The following TAS2R1 variants were observed in gnomAD, a reference collection of about 807,000 sequenced individuals.
TAS2R1 encodes the protein taste receptor type 2 member 1.
For missense variants in TAS2R1, 370 were observed against 353.4 expected, an observed-to-expected ratio of 1.05 and a Z score of -0.38; for synonymous variants, 141 against 134.2, an observed-to-expected ratio of 1.05 and a Z score of -0.35.
chr5:9,655,962 C>A (rs895079334), intron 2 of TAS2R1, among the ~76,000 whole-genome samples: 2 of 151,878 alleles, frequency 1.3e-5, no homozygotes, highest in Admixed American at 1.3e-4. Context: ...AACTTGGACA[C>A]CACTTCTCAG....
chr5:9,702,940 G>C (rs1030840665), intron 1 of TAS2R1, among the ~76,000 whole-genome samples: 2 of 152,082 alleles, frequency 1.3e-5, no homozygotes, highest in African/African-American at 4.8e-5. Context: ...AGATGAAAGG[G>C]AGAGGCCAGA....
chr5:9,724,623 AT>A, the TAS2R1 span, among the ~76,000 whole-genome samples: 1 of 152,144 alleles, frequency 6.6e-6, no homozygotes, highest in African/African-American at 2.4e-5. Flanking sequence ...TCCTGTGCAG[AT>A]TACGGTAATA....
chr5:9,825,553 T>TACA, the TAS2R1 span, among the ~76,000 whole-genome samples: 1 of 152,172 alleles, frequency 6.6e-6, no homozygotes, highest in Admixed American at 6.5e-5. Flanking sequence ...AGATGGAACT[T>TACA]TCTCTCAACA....
At chr5:9,829,286 T>C in the TAS2R1 span, among the ~76,000 whole-genome samples, 7 of 152,290 alleles carry the variant, frequency 4.6e-5, no homozygotes, top group South Asian at 4.1e-4. Flanking sequence ...TTCTTAATCA[T>C]ACACAGACCT....
the TAS2R1 span, among the ~76,000 whole-genome samples, chr5:9,861,037 G>GGTTTTTTTT: frequency 2.0e-4 from 18 of 88,612 alleles, no homozygotes; most frequent in African/African-American, 7.7e-4. Flanking sequence ...GGAAGATGAG[G>GGTTTTTTTT]TTTTTTTTTT....
At chr5:9,747,501 G>C in the TAS2R1 span, among the ~76,000 whole-genome samples, 31 of 152,234 alleles carry the variant, frequency 2.0e-4, no homozygotes, top group East Asian at 5.6e-3. Flanking sequence ...AAACAAGAAA[G>C]AGGTGAGGAG....
At chr5:9,769,781 G>C in the TAS2R1 span, among the ~76,000 whole-genome samples, 443 of 152,142 alleles carry the variant, frequency 2.9e-3, 6 homozygotes, top group East Asian at 0.045. Flanking sequence ...TTTGTATAGA[G>C]TTGTTTGAGC....
At chr5:9,770,553 A>G in the TAS2R1 span, among the ~76,000 whole-genome samples, 1 of 152,192 alleles carries the variant, frequency 6.6e-6, no homozygotes, top group African/African-American at 2.4e-5. Context: ...TAAAAATGGA[A>G]TATCTTTACA....
intron 1 of TAS2R1, among the ~76,000 whole-genome samples, chr5:9,701,458 G>T (rs932403067): frequency 6.6e-6 from 1 of 152,088 alleles, no homozygotes; most frequent in Non-Finnish European, 1.5e-5. Context: ...GGGTGACATT[G>T]GGTGTTTCAA....
At chr5:9,716,417 T>A (rs80017968), upstream of TAS2R1, among the ~76,000 whole-genome samples, 3,404 of 152,204 alleles carry the variant, frequency 0.022, 82 homozygotes, top group African/African-American at 0.064. Flanking sequence ...TTCATGGTTG[T>A]GTGACAAGGA....
At chr5:9,891,685 A>G in the TAS2R1 span, among the ~76,000 whole-genome samples, 1 of 152,206 alleles carries the variant, frequency 6.6e-6, no homozygotes, top group South Asian at 2.1e-4. Context: ...TCCTCTGCCC[A>G]TATAACATGC....
chr5:9,771,544 A>G, the TAS2R1 span, among the ~76,000 whole-genome samples: 3 of 152,098 alleles, frequency 2.0e-5, no homozygotes, highest in Non-Finnish European at 4.4e-5. Flanking sequence ...TGAGTTTGAA[A>G]GTATTCTTTC....
chr5:9,753,671 A>C, the TAS2R1 span, among the ~76,000 whole-genome samples: 1 of 152,110 alleles, frequency 6.6e-6, no homozygotes, highest in Non-Finnish European at 1.5e-5. Flanking sequence ...TAGGGTTTTT[A>C]TGGTTTCAGG....
the TAS2R1 span, among the ~76,000 whole-genome samples, chr5:9,835,914 T>C: frequency 6.6e-6 from 1 of 152,158 alleles, no homozygotes; most frequent in African/African-American, 2.4e-5. Flanking sequence ...GGATCTGAAA[T>C]GAGTTAATCA....
the TAS2R1 span, among the ~76,000 whole-genome samples, chr5:9,781,176 A>G: frequency 2.4e-4 from 36 of 152,140 alleles, no homozygotes; most frequent in African/African-American, 8.4e-4. Context: ...TGCTTACTCA[A>G]TATCTCCACT....
the TAS2R1 span, among the ~76,000 whole-genome samples, chr5:9,809,147 C>T: frequency 6.6e-6 from 1 of 152,208 alleles, no homozygotes; most frequent in African/African-American, 2.4e-5. Flanking sequence ...GAGAGGAATT[C>T]TGTCTCATGA....
chr5:9,844,476 C>T, the TAS2R1 span, among the ~76,000 whole-genome samples: 1 of 152,152 alleles, frequency 6.6e-6, no homozygotes, highest in South Asian at 2.1e-4. Flanking sequence ...CTTTAAGTTT[C>T]AATTTAAGCG....
At chr5:9,774,211 C>T in the TAS2R1 span, among the ~76,000 whole-genome samples, 2 of 152,204 alleles carry the variant, frequency 1.3e-5, no homozygotes, top group African/African-American at 2.4e-5. Context: ...TGTTAAGAGA[C>T]TCAGGCATCC....
At chr5:9,778,041 C>T in the TAS2R1 span, among the ~76,000 whole-genome samples, 509 of 152,176 alleles carry the variant, frequency 3.3e-3, 2 homozygotes, top group East Asian at 6.4e-3. Context: ...CCACCGCGCC[C>T]GGCTAATTTT....
Sources: gnomAD v4.1 joint callset for allele counts (sites outside exome capture counted in the v4.1 genomes callset) on GRCh38, gnomAD v4.1.1 for gene constraint, MANE v1.5 for transcripts, NCBI Gene and HGNC (gene_info 2026-07-23, HGNC 2026-07-21) for gene names.